SOBP: variants seen among roughly 807,000 people sequenced by gnomAD.
SOBP encodes sine oculis binding protein homolog.
In SOBP, 4 loss-of-function variants were observed where a neutral mutation model predicts 53.6. The observed-to-expected ratio is 0.07, with a 90% CI of 0.04 to 0.17. SOBP has a LOEUF of 0.17. Among genes scored for constraint, SOBP ranks in the 10% least tolerant of loss-of-function variants. The probability of loss-of-function intolerance (pLI) is 1.00; values close to 1 mark genes in which losing one functional copy is unlikely to be tolerated. For synonymous variants in SOBP, 584 were observed against 522.6 expected, an observed-to-expected ratio of 1.12 and a Z score of -1.60; for missense variants, 1,088 against 1,204.7, an observed-to-expected ratio of 0.90 and a Z score of 1.43.
chr6:107,554,908 G>A (rs1784565501), intron 4 of SOBP, among the ~76,000 whole-genome samples: 1 of 152,176 alleles, frequency 6.6e-6, no homozygotes, highest in African/African-American at 2.4e-5. Context: ...GCCTGGCTGG[G>A]TCTGCAGATG....
chr6:107,507,682 T>C (rs1000856487), intron 3 of SOBP, among the ~76,000 whole-genome samples: 1 of 152,172 alleles, frequency 6.6e-6, no homozygotes, highest in Non-Finnish European at 1.5e-5. Flanking sequence ...AAGACAATTC[T>C]TCTTCCAATG....
chr6:107,498,250 A>G (rs1285690263), intron 1 of SOBP, among the ~76,000 whole-genome samples: 1 of 152,184 alleles, frequency 6.6e-6, no homozygotes, highest in African/African-American at 2.4e-5. Context: ...GGGGAGGGGA[A>G]GGGCATGACT....
intron 1 of SOBP, among the ~76,000 whole-genome samples, chr6:107,491,567 C>T (rs941965509): frequency 2.0e-5 from 3 of 152,234 alleles, no homozygotes; most frequent in Non-Finnish European, 2.9e-5. Flanking sequence ...CAGCTCTGGA[C>T]CCCCTCGTTG....
At chr6:107,615,057 A>C (rs1786736354) in intron 5 of SOBP, among the ~76,000 whole-genome samples, 1 of 152,088 alleles carries the variant, frequency 6.6e-6, no homozygotes. Context: ...AAATGGAGCC[A>C]CTCCCTGAGT....
At chr6:107,495,983 T>G (rs1178308795) in intron 1 of SOBP, among the ~76,000 whole-genome samples, 2 of 151,792 alleles carry the variant, frequency 1.3e-5, no homozygotes, top group African/African-American at 4.8e-5. Flanking sequence ...TATTACAGGT[T>G]AGAAGAGGAA....
Position 107,634,336 on chromosome 6 carries a change from A to C in SOBP, c.1492A>C (p.Asn498His). 6.3e-7 allele frequency: 1 copy of C among 1,587,172 alleles called. No homozygotes were observed. The highest frequency in any genetic ancestry group is 8.5e-7 in the Non-Finnish European group (1 of 1,173,760). The change falls in exon 6 of 7, where the codon AAT becomes CAT. Residue 498 changes from asparagine (N) to histidine (H), a missense_variant. Physicochemically the swap from Asn to His is moderately conservative, Grantham distance 68. This residue lies in a region of SOBP where 665 missense variants were observed against 629.7 expected (regional missense o/e 1.06). Transcript: ENST00000317357. This position sits in a 1 kb window ranked among gnomAD's most constrained non-coding sequence, Gnocchi z 4.5. ...LPFPPVSMMP[N>H]GPMPVPQMMN... ...CTTCCCGCCAGTGAGCATGATGCCA[A>C]ATGGCCCGATGCCGGTGCCCCAGAT...
intron 1 of SOBP, among the ~76,000 whole-genome samples, chr6:107,497,086 A>C (rs12529571): frequency 0.019 from 2,844 of 152,334 alleles, 125 homozygotes; most frequent in Admixed American, 0.11. Context: ...CTTTATCTCT[A>C]TTAATGAGTC....
chr6:107,600,295 G>A (rs11153069), intron 5 of SOBP, among the ~76,000 whole-genome samples: 2,604 of 152,234 alleles, frequency 0.017, 76 homozygotes, highest in East Asian at 0.14. Flanking sequence ...CTTACGTGCC[G>A]CGCCTGGTCA....
chr6:107,649,163 C>CAAAAAA (rs61034738), intron 6 of SOBP, among the ~76,000 whole-genome samples: 2 of 40,408 alleles, frequency 4.9e-5, no homozygotes, highest in Non-Finnish European at 8.4e-5. Flanking sequence ...CCCCCACTAC[C>CAAAAAA]AAAAAAAAAA....
intron 1 of SOBP, among the ~76,000 whole-genome samples, chr6:107,496,522 C>T (rs1782702441): frequency 6.6e-6 from 1 of 152,140 alleles, no homozygotes; most frequent in Non-Finnish European, 1.5e-5. Flanking sequence ...ACTTTCTTTT[C>T]CAGCCTGTTC....
At chr6:107,528,924 C>A (rs532531287) in intron 3 of SOBP, among the ~76,000 whole-genome samples, 9 of 152,316 alleles carry the variant, frequency 5.9e-5, no homozygotes, top group African/African-American at 2.2e-4. Flanking sequence ...CATATAAACT[C>A]ACTTTCCCCA....
Position 107,634,891 on chromosome 6 carries a change from A to T in SOBP, c.2047A>T (p.Ser683Cys). The change falls in exon 6 of 7, where the codon AGC becomes TGC. Residue 683 changes from serine (S) to cysteine (C), a missense_variant. Transcript: ENST00000317357. The surrounding 1 kb of genome is among the most constrained non-coding windows in gnomAD (Gnocchi z 4.5). ...GCACGTCAAGGCGGAGCGCGAGCCG[A>T]GCGCCGCGGAGCGCAGGACCTGCGG... ...HAHVKAEREP[S>C]AAERRTCGGC... 7.6e-7 allele frequency: 1 copy of T among 1,312,626 alleles called. No homozygotes were observed. Among genetic ancestry groups the T allele is most frequent in the Non-Finnish European group, 9.8e-7 (1 of 1,021,420 alleles). 81.3% of individuals were successfully genotyped at this position (1,312,626 alleles called of 1,614,324 possible).
At chr6:107,656,152 G>A (rs1348562773) in intron 6 of SOBP, among the ~76,000 whole-genome samples, 1 of 152,142 alleles carries the variant, frequency 6.6e-6, no homozygotes, top group Non-Finnish European at 1.5e-5. Flanking sequence ...CAGAAGAAGT[G>A]ACCCCGGTGT....
At chr6:107,650,344 T>C (rs1771752363) in intron 6 of SOBP, among the ~76,000 whole-genome samples, 1 of 152,230 alleles carries the variant, frequency 6.6e-6, no homozygotes, top group South Asian at 2.1e-4. Context: ...AAGGAATGTT[T>C]TTCAGTTGCA....
chr6:107,522,398 G>A (rs1209415695), intron 3 of SOBP, among the ~76,000 whole-genome samples: 2 of 152,140 alleles, frequency 1.3e-5, no homozygotes, highest in Admixed American at 6.6e-5. Context: ...TTGTAGTTTG[G>A]GCAAGAGGTA....
intron 3 of SOBP, among the ~76,000 whole-genome samples, chr6:107,524,978 G>A (rs7750060): frequency 0.01 from 1,582 of 152,314 alleles, 29 homozygotes; most frequent in African/African-American, 0.036. Flanking sequence ...GAAACAAAAT[G>A]TCCTGCTGTA....
At chr6:107,494,767 C>T (rs751133082) in intron 1 of SOBP, among the ~76,000 whole-genome samples, 8 of 152,182 alleles carry the variant, frequency 5.3e-5, no homozygotes, top group Non-Finnish European at 1.0e-4. Context: ...CCTAAAATTA[C>T]GCTTCAGTCC....
At chr6:107,585,319 T>C (rs538981362) in intron 4 of SOBP, among the ~76,000 whole-genome samples, 2 of 152,354 alleles carry the variant, frequency 1.3e-5, no homozygotes, top group East Asian at 3.9e-4. Context: ...AAGAATCTAA[T>C]ATTGTCACTG....
At chr6:107,587,604 C>T (rs1785607339) in intron 5 of SOBP, among the ~76,000 whole-genome samples, 1 of 152,160 alleles carries the variant, frequency 6.6e-6, no homozygotes, top group African/African-American at 2.4e-5. Flanking sequence ...AGTTGACACG[C>T]AGTACTCCCT....
Sources: gnomAD v4.1 joint callset for allele counts (sites outside exome capture counted in the v4.1 genomes callset) on GRCh38, gnomAD v4.1.1 for gene constraint, gnomAD v4.1.1 regional missense constraint, Gnocchi (gnomAD v3.1) non-coding constraint, MANE v1.5 for transcripts, NCBI Gene and HGNC (gene_info 2026-07-23, HGNC 2026-07-21) for gene names.